Variants in ENTHD1 observed in about 807,000 individuals in gnomAD.
The protein encoded by ENTHD1 is ENTH domain-containing protein 1.
Under a neutral mutation model 39.1 loss-of-function variants are expected in ENTHD1, and 23 were observed. The observed-to-expected ratio is 0.59, with a 90% CI of 0.42 to 0.83. The LOEUF is 0.83. Among genes scored for constraint, ENTHD1 ranks in the 40% least tolerant of loss-of-function variants. The pLI is 0.00. For synonymous variants in ENTHD1, 230 were observed against 258.2 expected, an observed-to-expected ratio of 0.89 and a Z score of 1.05; for missense variants, 624 against 705.4, an observed-to-expected ratio of 0.88 and a Z score of 1.31.
chr22:39,777,405 T>C (rs1012898130), intron 5 of ENTHD1, among the ~76,000 whole-genome samples: 16 of 152,210 alleles, frequency 1.1e-4, no homozygotes, highest in African/African-American at 3.9e-4. Context: ...TGTGCGTGTG[T>C]GTGTGTGTAC....
chr22:39,869,217 G>A (rs1003274338), intron 2 of ENTHD1, among the ~76,000 whole-genome samples: 1 of 152,092 alleles, frequency 6.6e-6, no homozygotes, highest in Non-Finnish European at 1.5e-5. Context: ...ATCAATCTAG[G>A]TGCCCATCAA....
intron 5 of ENTHD1, among the ~76,000 whole-genome samples, chr22:39,801,883 C>G (rs1481197713): frequency 6.6e-6 from 1 of 151,752 alleles, no homozygotes; most frequent in Non-Finnish European, 1.5e-5. Flanking sequence ...CCAGAAAGCA[C>G]AGTTAACATT....
intron 4 of ENTHD1, among the ~76,000 whole-genome samples, chr22:39,831,480 C>T (rs976134217): frequency 5.9e-5 from 9 of 151,994 alleles, no homozygotes; most frequent in Non-Finnish European, 1.2e-4. Flanking sequence ...ATCCAATACT[C>T]TAAAACACAG....
rs77809852 is a variant in ENTHD1, at chr22:39,820,313, T to C, written c.832+680A>G. ...TGTGGTAAGGGAAAAGATGCCTGTA[T>C]GAATATAAAAGCAAAGATTTATAAG... On this transcript the variant is annotated intron_variant, in intron 5 of 6. Coordinates refer to ENST00000325157, the MANE Select transcript of ENTHD1 (RefSeq NM_152512.4). 2.4e-3 allele frequency among the ~76,000 whole-genome samples: 370 copies of C among 152,298 alleles called. 2 individuals carry two copies. The highest frequency in any genetic ancestry group is 8.2e-3 in the African/African-American group (342 of 41,564).
intron 6 of ENTHD1, among the ~76,000 whole-genome samples, chr22:39,745,532 A>G (rs2065096799): frequency 6.6e-6 from 1 of 152,128 alleles, no homozygotes; most frequent in Non-Finnish European, 1.5e-5. Flanking sequence ...CAATCACAAA[A>G]CTTTTTTGGG....
rs1318984588 is a variant in ENTHD1, at chr22:39,743,634, G to A, written c.*45C>T. ...ATACAATGCTAACGTAAGTCTTGGG[G>A]AAGTGGAACCACACGAGTTCTATCA... On this transcript the variant is annotated 3_prime_UTR_variant, in exon 7 of 7. Transcript: ENST00000325157. 2 of 1,525,846 alleles carry A rather than the reference G, an allele frequency of 1.3e-6. No individual in the cohort carries two copies. Among genetic ancestry groups the A allele is most frequent in the African/African-American group, 1.4e-5 (1 of 71,978 alleles). 94.5% of individuals were successfully genotyped at this position (1,525,846 alleles called of 1,614,324 possible).
At chr22:39,821,781 C>T (rs1487798543) in intron 4 of ENTHD1, among the ~76,000 whole-genome samples, 4 of 152,178 alleles carry the variant, frequency 2.6e-5, no homozygotes, top group Non-Finnish European at 2.9e-5. Context: ...GCTGGCAGAT[C>T]TGATGTCTGG....
chr22:39,867,455 A>G lies in ENTHD1; in HGVS notation c.350-5448T>C, dbSNP rs1390081948. The stretch of plus-strand genomic sequence containing the variant: ...TCTCGGTGACTTTTATCTCTACTCT[A>G]AGTTAGAAATATGAACATATACCTC... On this transcript the variant is annotated intron_variant, in intron 2 of 6. Coordinates refer to ENST00000325157, the MANE Select transcript of ENTHD1 (RefSeq NM_152512.4). This position sits in a 1 kb window ranked among gnomAD's most constrained non-coding sequence, Gnocchi z 4.5. Among the ~76,000 whole-genome samples the G allele has an allele frequency of 6.6e-6, 1 of 152,042 alleles. No homozygotes were observed. The highest frequency in any genetic ancestry group is 2.4e-5 in the African/African-American group (1 of 41,382).
intron 3 of ENTHD1, among the ~76,000 whole-genome samples, chr22:39,847,580 C>T (rs2066000901): frequency 1.3e-5 from 2 of 149,412 alleles, no homozygotes; most frequent in African/African-American, 4.9e-5. Context: ...AAAAAAAAGA[C>T]AGGGTCTTGC....
intron 5 of ENTHD1, among the ~76,000 whole-genome samples, chr22:39,771,116 T>TA (rs2065318899): frequency 1.3e-5 from 2 of 152,322 alleles, no homozygotes; most frequent in Non-Finnish European, 2.9e-5. Flanking sequence ...TTTTAATACT[T>TA]AATGTTTTTG....
At chr22:39,833,172 T>C (rs2065883452) in intron 4 of ENTHD1, among the ~76,000 whole-genome samples, 1 of 151,984 alleles carries the variant, frequency 6.6e-6, no homozygotes, top group Non-Finnish European at 1.5e-5. Context: ...ATCCTTAGGG[T>C]GAGAAATGAT....
chr22:39,804,905 C>A (rs1445864669), intron 5 of ENTHD1, among the ~76,000 whole-genome samples: 1 of 152,194 alleles, frequency 6.6e-6, no homozygotes, highest in Non-Finnish European at 1.5e-5. Context: ...CATGCCCACC[C>A]CTCCATATAA....
chr22:39,745,269 C>G (rs1473414401), intron 6 of ENTHD1, among the ~76,000 whole-genome samples: 2 of 152,098 alleles, frequency 1.3e-5, no homozygotes, highest in East Asian at 1.9e-4. Context: ...GAATCCAGTT[C>G]TAAACTCTTT....
chr22:39,767,638 A>T (rs2065287378), intron 5 of ENTHD1, among the ~76,000 whole-genome samples: 1 of 152,194 alleles, frequency 6.6e-6, no homozygotes, highest in African/African-American at 2.4e-5. Context: ...TTTACATGTG[A>T]GAAAAACAAG....
At chr22:39,787,259 ATC>A (rs2065466597) in intron 5 of ENTHD1, among the ~76,000 whole-genome samples, 1 of 151,998 alleles carries the variant, frequency 6.6e-6, no homozygotes, top group South Asian at 2.1e-4. Context: ...GCCATCCCTC[ATC>A]TCTCTCTCCC....
Position 39,782,292 on chromosome 22 carries a change from A to G in ENTHD1, c.833-16683T>C, listed in dbSNP as rs550707723. Among the ~76,000 whole-genome samples, 67 of 152,282 alleles carry G rather than the reference A, an allele frequency of 4.4e-4. 1 individual carries two copies. Among genetic ancestry groups the G allele is most frequent in the Admixed American group, 4.0e-3 (61 of 15,296 alleles). ...ACAGAGAGAGACTCTGTCTCAAAAA[A>G]AGAACCAGTAACAAGATCAAAGCCG... On this transcript the variant is annotated intron_variant, in intron 5 of 6. Transcript: ENST00000325157.
At chr22:39,816,315 A>G (rs2065733400) in intron 5 of ENTHD1, among the ~76,000 whole-genome samples, 1 of 152,248 alleles carries the variant, frequency 6.6e-6, no homozygotes, top group East Asian at 1.9e-4. Context: ...CAAATCAGGG[A>G]AAAATATAAA....
At chr22:39,864,190 T>C (rs2066166600) in intron 2 of ENTHD1, among the ~76,000 whole-genome samples, 1 of 152,196 alleles carries the variant, frequency 6.6e-6, no homozygotes, top group Non-Finnish European at 1.5e-5. Flanking sequence ...ACAAAGAACA[T>C]GTTTTCCCAT....
chr22:39,795,409 C>CA (rs2065540034), intron 5 of ENTHD1, among the ~76,000 whole-genome samples: 1 of 147,084 alleles, frequency 6.8e-6, no homozygotes, highest in Non-Finnish European at 1.5e-5. Context: ...TATTAGAAGG[C>CA]TTTTTTTTTT....
Sources: allele counts gnomAD v4.1 joint callset (sites outside exome capture counted in the v4.1 genomes callset), GRCh38; gene constraint gnomAD v4.1.1; non-coding constraint Gnocchi (gnomAD v3.1); transcripts MANE v1.5; gene names NCBI Gene and HGNC (gene_info 2026-07-23, HGNC 2026-07-21).